Variants in WDR64 observed in about 807,000 individuals in gnomAD.
WDR64 encodes the protein WD repeat domain 64.
WDR64 carries 112 observed loss-of-function variants against 139.3 expected under a neutral mutation model. That is an observed-to-expected ratio of 0.80 (90% CI 0.69 to 0.94). WDR64 has a LOEUF of 0.94. WDR64 is among the 40% of genes least tolerant of loss of function. WDR64 has a pLI of 0.00. For missense variants in WDR64, 1,206 were observed against 1,293.1 expected, an observed-to-expected ratio of 0.93 and a Z score of 1.03; for synonymous variants, 444 against 437.7, an observed-to-expected ratio of 1.01 and a Z score of -0.18.
intron 8 of WDR64, among the ~76,000 whole-genome samples, chr1:241,691,954 C>T (rs1048850695): frequency 1.3e-4 from 19 of 150,618 alleles, no homozygotes; most frequent in African/African-American, 3.7e-4. Flanking sequence ...CAGAGGTTGC[C>T]GTAAGCCGAG....
intron 8 of WDR64, among the ~76,000 whole-genome samples, chr1:241,691,830 A>AGGTGTTCAAGACAGCC (rs1667309619): frequency 1.3e-5 from 2 of 152,262 alleles, no homozygotes; most frequent in East Asian, 3.9e-4. Context: ...CCTGGCCAAC[A>AGGTGTTCAAGACAGCC]TGGTGAAACC....
In WDR64 at chr1:241,683,437, A is replaced by G. The variant is rs746740816; in HGVS notation, c.625-50A>G. On this transcript the variant is annotated intron_variant, in intron 6 of 27. Transcript: ENST00000437684. ...TTGTCAAATAATAGGGGAAATATTTATTGAACAGAGCAAAGTAATAATTCA... is the reference window on the plus strand; with the variant it reads ...TTGTCAAATAATAGGGGAAATATTTGTTGAACAGAGCAAAGTAATAATTCA... 2.6e-5 allele frequency: 39 copies of G among 1,517,516 alleles called. No individual in the cohort carries two copies. The South Asian group carries it at 4.6e-4, about 18-fold the overall frequency. The allele number at this position is 1,517,516 out of a possible 1,614,324, so 94.0% of individuals were successfully genotyped here.
intron 14 of WDR64, among the ~76,000 whole-genome samples, chr1:241,751,403 A>AAGATAAACCC (rs1294864419): frequency 6.6e-6 from 1 of 152,184 alleles, no homozygotes; most frequent in Non-Finnish European, 1.5e-5. Flanking sequence ...GAATGGAGGA[A>AAGATAAACCC]AGATAAACCC....
At chr1:241,749,785 G>T in intron 14 of WDR64, 63 bp downstream of exon 14, 1 of 1,562,566 alleles carries the variant, frequency 6.4e-7, no homozygotes, top group Non-Finnish European at 8.8e-7. Context: ...AAATGAGTCA[G>T]TGGATAATCC....
At chr1:241,779,398 T>A (rs1363791679) in intron 21 of WDR64, among the ~76,000 whole-genome samples, 1 of 152,252 alleles carries the variant, frequency 6.6e-6, no homozygotes, top group Admixed American at 6.5e-5. Flanking sequence ...GTAGGCTGAG[T>A]ATCTCTGTAA....
chr1:241,773,369 A>G (rs1180431641), intron 20 of WDR64, among the ~76,000 whole-genome samples: 1 of 152,240 alleles, frequency 6.6e-6, no homozygotes, highest in African/African-American at 2.4e-5. Context: ...TTATGTCCCT[A>G]ATAGAAGCAG....
intron 9 of WDR64, 47 bp downstream of exon 9, chr1:241,711,928 A>G (rs1002352644): frequency 1.3e-6 from 2 of 1,578,456 alleles, no homozygotes; most frequent in Non-Finnish European, 1.7e-6. Context: ...CTTTGCAAAC[A>G]TCGTTCTCTT....
Position 241,752,866 on chromosome 1 carries a change from C to T in WDR64, c.1770+3144C>T, listed in dbSNP as rs12093684. ...ACTCTGTCTCAAAAAGACACACACA[C>T]AAAAAACAAACCACTGTCAATAACT... On this transcript the variant is annotated intron_variant, in intron 14 of 27. Coordinates refer to ENST00000437684, the MANE Select transcript of WDR64 (RefSeq NM_001367482.1). Among the ~76,000 whole-genome samples the T allele has an allele frequency of 6.7e-3, 1,026 of 152,066 alleles. 9 individuals carry two copies. The highest frequency in any genetic ancestry group is 0.023 in the African/African-American group (974 of 41,460).
chr1:241,689,405 A>G (rs1667128268), intron 8 of WDR64, among the ~76,000 whole-genome samples: 1 of 152,246 alleles, frequency 6.6e-6, no homozygotes, highest in East Asian at 1.9e-4. Flanking sequence ...AAGATATACT[A>G]TGCTAAAACT....
intron 21 of WDR64, among the ~76,000 whole-genome samples, chr1:241,775,927 CTTG>C (rs1279303881): frequency 2.6e-5 from 4 of 151,992 alleles, no homozygotes; most frequent in African/African-American, 9.7e-5. Flanking sequence ...TACCCCTTTG[CTTG>C]TTGTTGTTTT....
At chr1:241,798,418 C>A (rs1659428438) in intron 27 of WDR64, among the ~76,000 whole-genome samples, 1 of 152,122 alleles carries the variant, frequency 6.6e-6, no homozygotes, top group Non-Finnish European at 1.5e-5. Context: ...AGTAAGATGA[C>A]AAAATCTGGA....
rs888408794 is a variant in WDR64, at chr1:241,703,956, C to T, written c.975-7846C>T. Among the ~76,000 whole-genome samples, 6 of 152,148 alleles carry T rather than the reference C, an allele frequency of 3.9e-5. No homozygotes were observed. Among genetic ancestry groups the T allele is most frequent in the Admixed American group, 1.3e-4 (2 of 15,276 alleles). ...AACACAAGAACAACACGGGAGAAGC[C>T]GCCCCCATGAACCAATCACCTCCCA... On this transcript the variant is annotated intron_variant, in intron 8 of 27. Coordinates refer to ENST00000437684, the MANE Select transcript of WDR64 (RefSeq NM_001367482.1). The surrounding 1 kb of genome is among the most constrained non-coding windows in gnomAD (Gnocchi z 5.9).
chr1:241,699,154 G>C (rs1197845889), intron 8 of WDR64, among the ~76,000 whole-genome samples: 2 of 152,160 alleles, frequency 1.3e-5, no homozygotes, highest in Non-Finnish European at 2.9e-5. Context: ...TTCAAGATGA[G>C]ATTTGGGTGG....
chr1:241,690,079 A>G (rs1558474003), intron 8 of WDR64, among the ~76,000 whole-genome samples: 1 of 152,128 alleles, frequency 6.6e-6, no homozygotes. Context: ...GAGACACCAA[A>G]CCCCAGATCC....
At chr1:241,672,294 A>C (rs1573993722) in intron 3 of WDR64, among the ~76,000 whole-genome samples, 1 of 152,288 alleles carries the variant, frequency 6.6e-6, no homozygotes, top group East Asian at 1.9e-4. Flanking sequence ...GGAACTAGAA[A>C]AAAAAAGAAA....
At chr1:241,771,937 CATACATACATATATATATATAT>C (rs1422733701) in intron 19 of WDR64, among the ~76,000 whole-genome samples, 1,519 of 56,508 alleles carry the variant, frequency 0.027, 67 homozygotes, top group African/African-American at 0.083. Context: ...CATATACATA[CATACATACATATATATATATAT>C]ATATATATAT....
chr1:241,777,915 G>A (rs890354717), intron 21 of WDR64, among the ~76,000 whole-genome samples: 1 of 151,976 alleles, frequency 6.6e-6, no homozygotes, highest in East Asian at 1.9e-4. Flanking sequence ...GTTCAGGTGC[G>A]TTCTGTGGCC....
intron 7 of WDR64, among the ~76,000 whole-genome samples, chr1:241,684,189 G>A (rs944218695): frequency 6.6e-6 from 1 of 152,084 alleles, no homozygotes; most frequent in African/African-American, 2.4e-5. Context: ...AAAGCAAACT[G>A]GAATAAATAT....
intron 9 of WDR64, among the ~76,000 whole-genome samples, chr1:241,712,744 C>T (rs373254649): frequency 3.4e-4 from 52 of 151,860 alleles, no homozygotes; most frequent in East Asian, 9.7e-4. Flanking sequence ...TTTGGGAGGC[C>T]GAGGCAGGAG....
Sources: gnomAD v4.1 joint callset for allele counts (sites outside exome capture counted in the v4.1 genomes callset) on GRCh38, gnomAD v4.1.1 for gene constraint, Gnocchi (gnomAD v3.1) non-coding constraint, MANE v1.5 for transcripts, NCBI Gene and HGNC (gene_info 2026-07-23, HGNC 2026-07-21) for gene names.